Variants in PLCL1 observed in about 807,000 individuals in gnomAD.
PLCL1 encodes the protein inactive phospholipase C-like protein 1.
A neutral mutation model predicts 84.4 loss-of-function variants in PLCL1; 41 were observed. The ratio of observed to expected loss-of-function variants is 0.49; its 90% CI spans 0.38 to 0.63. The LOEUF is 0.63. PLCL1 is among the 30% of genes least tolerant of loss of function. The probability of loss-of-function intolerance (pLI) is 0.00; values close to 1 mark genes in which losing one functional copy is unlikely to be tolerated. For missense variants in PLCL1, 1,206 were observed against 1,367.8 expected, an observed-to-expected ratio of 0.88 and a Z score of 1.87; for synonymous variants, 490 against 488.3, an observed-to-expected ratio of 1.00 and a Z score of -0.05.
At chr2:197,938,112 A>G (rs1689084886) in intron 1 of PLCL1, among the ~76,000 whole-genome samples, 1 of 152,202 alleles carries the variant, frequency 6.6e-6, no homozygotes, top group African/African-American at 2.4e-5. Context: ...ATCTTCCCCT[A>G]GAATTATAGT....
At chr2:198,066,537 G>A (rs1052511654) in intron 1 of PLCL1, among the ~76,000 whole-genome samples, 3 of 152,120 alleles carry the variant, frequency 2.0e-5, no homozygotes, top group Non-Finnish European at 4.4e-5. Flanking sequence ...CAATCACCAA[G>A]TGGTTACTCC....
intron 1 of PLCL1, among the ~76,000 whole-genome samples, chr2:197,821,546 G>A (rs952133013): frequency 1.3e-5 from 2 of 152,234 alleles, no homozygotes; most frequent in Middle Eastern, 6.8e-3. Context: ...CACCCCTTAA[G>A]ATGTTGGCTT....
At chr2:197,973,043 CT>C (rs1232496790) in intron 1 of PLCL1, among the ~76,000 whole-genome samples, 1 of 152,192 alleles carries the variant, frequency 6.6e-6, no homozygotes, top group Non-Finnish European at 1.5e-5. Flanking sequence ...ATAAACTACC[CT>C]TGTCCTCAAG....
intron 1 of PLCL1, among the ~76,000 whole-genome samples, chr2:198,014,573 T>G (rs1440090): frequency 0.23 from 35,214 of 151,996 alleles, 4,231 homozygotes; most frequent in African/African-American, 0.31. Flanking sequence ...TTTTGTTGTT[T>G]ATGTTATCTT....
intron 1 of PLCL1, among the ~76,000 whole-genome samples, chr2:198,047,396 A>G (rs1032167491): frequency 1.4e-4 from 22 of 152,182 alleles, no homozygotes; most frequent in Non-Finnish European, 2.2e-4. Flanking sequence ...GTTGGCTGGG[A>G]TGATCTCAAT....
chr2:198,087,593 C>T (rs1003916691), intron 2 of PLCL1, among the ~76,000 whole-genome samples: 1 of 152,042 alleles, frequency 6.6e-6, no homozygotes, highest in African/African-American at 2.4e-5. Context: ...CAATGTTAGC[C>T]TTTAAATCCA....
At chr2:198,001,861 T>C (rs1156721284) in intron 1 of PLCL1, 1 of 257,506 alleles carries the variant, frequency 3.9e-6, no homozygotes, top group African/African-American at 2.2e-5. Context: ...CGAAACCCTA[T>C]TGTGAACTGT....
At chr2:197,853,897 C>T (rs1687285879) in intron 1 of PLCL1, among the ~76,000 whole-genome samples, 1 of 152,078 alleles carries the variant, frequency 6.6e-6, no homozygotes, top group Non-Finnish European at 1.5e-5. Flanking sequence ...AATATGTGGT[C>T]AGTGCTGGAG....
At chr2:197,857,190 C>A (rs1437240283) in intron 1 of PLCL1, among the ~76,000 whole-genome samples, 1 of 150,624 alleles carries the variant, frequency 6.6e-6, no homozygotes, top group Non-Finnish European at 1.5e-5. Flanking sequence ...TTTTTAAGAT[C>A]ACTTTGATAA....
chr2:198,108,638 C>T (rs546464709), intron 5 of PLCL1, among the ~76,000 whole-genome samples: 7 of 151,842 alleles, frequency 4.6e-5, no homozygotes, highest in East Asian at 1.9e-4. Context: ...AAATGACTAA[C>T]GACAATATAA....
intron 1 of PLCL1, among the ~76,000 whole-genome samples, chr2:198,049,781 T>C (rs1017972943): frequency 7.2e-5 from 11 of 152,186 alleles, no homozygotes; most frequent in Non-Finnish European, 1.5e-5. Context: ...ACTTCAATAA[T>C]GTTAACAGAT....
chr2:197,854,867 C>T (rs1447274624), intron 1 of PLCL1, among the ~76,000 whole-genome samples: 1 of 152,160 alleles, frequency 6.6e-6, no homozygotes, highest in Admixed American at 6.5e-5. Context: ...TCCCCTCCCC[C>T]ATGCTTTTGC....
intron 1 of PLCL1, among the ~76,000 whole-genome samples, chr2:197,911,778 G>GC (rs1205277098): frequency 1.3e-5 from 2 of 152,132 alleles, no homozygotes; most frequent in African/African-American, 4.8e-5. Context: ...AAAACATTGG[G>GC]CATTTGCTCA....
chr2:198,021,951 A>C (rs566139148), intron 1 of PLCL1, among the ~76,000 whole-genome samples: 25 of 152,340 alleles, frequency 1.6e-4, no homozygotes, highest in Non-Finnish European at 3.1e-4. Flanking sequence ...CTTCAGGCCA[A>C]TGTTCCTGAT....
intron 1 of PLCL1, among the ~76,000 whole-genome samples, chr2:197,898,757 CCT>C (rs1435143189): frequency 2.2e-5 from 1 of 45,510 alleles, no homozygotes; most frequent in Non-Finnish European, 4.7e-5. Context: ...ACTCAAATAC[CCT>C]GTGTTCGAAC....
intron 1 of PLCL1, among the ~76,000 whole-genome samples, chr2:197,965,097 A>G (rs1047327524): frequency 6.6e-6 from 1 of 152,086 alleles, no homozygotes; most frequent in African/African-American, 2.4e-5. Context: ...GTATTCCCTC[A>G]TCCTCTATTT....
chr2:198,142,495 T>C (rs1222920499), intron 5 of PLCL1, among the ~76,000 whole-genome samples: 1 of 152,204 alleles, frequency 6.6e-6, no homozygotes, highest in East Asian at 1.9e-4. Context: ...TATAATTTAA[T>C]GCAGTTGGAA....
chr2:198,127,807 A>T (rs1027746005), intron 5 of PLCL1, among the ~76,000 whole-genome samples: 39 of 152,276 alleles, frequency 2.6e-4, no homozygotes, highest in Non-Finnish European at 1.2e-4. Flanking sequence ...TGTGGACAGC[A>T]GGCACTCCCT....
In PLCL1 at chr2:197,805,208, G is replaced by C; in HGVS notation, c.109G>C (p.Ala37Pro). The change falls in exon 1 of 6, where the codon GCC (alanine) becomes CCC (proline). Residue 37 changes from alanine to proline, a missense_variant. Physicochemically the swap from Ala to Pro is conservative, Grantham distance 27 (BLOSUM62 -1). Transcript: ENST00000428675. The surrounding 1 kb of genome is among the most constrained non-coding windows in gnomAD (Gnocchi z 4.0). ...PDAAGDCVTA[A>P]SGGRMRDRRS... is the part of the protein sequence containing the mutation. ...TGCCGCCGGGGACTGCGTGACGGCG[G>C]CCTCTGGGGGCCGGATGAGGGACCG... is the stretch of plus-strand genomic sequence containing the variant. 1 of 1,274,896 alleles carries C rather than the reference G, an allele frequency of 7.8e-7. No individual in the cohort carries two copies. Among genetic ancestry groups the C allele is most frequent in the Non-Finnish European group, 9.9e-7 (1 of 1,012,680 alleles). 79.0% of individuals were successfully genotyped at this position (1,274,896 alleles called of 1,614,324 possible).
Sources: allele counts gnomAD v4.1 joint callset (sites outside exome capture counted in the v4.1 genomes callset), GRCh38; gene constraint gnomAD v4.1.1; non-coding constraint Gnocchi (gnomAD v3.1); transcripts MANE v1.5; gene names NCBI Gene and HGNC (gene_info 2026-07-23, HGNC 2026-07-21).